Variants in ZDHHC2 observed in about 807,000 individuals in gnomAD.
ZDHHC2 encodes the protein palmitoyltransferase ZDHHC2.
ZDHHC2 carries 51 observed loss-of-function variants against 55.6 expected under a neutral mutation model. That is an observed-to-expected ratio of 0.92 (90% confidence interval 0.73 to 1.16). The LOEUF is 1.16. ZDHHC2 is among the 50% of genes most tolerant of loss of function. The pLI is 0.00. For missense variants in ZDHHC2, 491 were observed against 442.4 expected (o/e 1.11, Z -0.99); for synonymous variants, 199 against 152.9 (o/e 1.30, Z -2.22).
At chr8:17,214,589 G>A (rs145737555) in intron 10 of ZDHHC2, among the ~76,000 whole-genome samples, 3,286 of 152,050 alleles carry the variant, frequency 0.022, 44 homozygotes, top group African/African-American at 0.028. Flanking sequence ...TGAGAAACTC[G>A]CGTAACTTTC....
At chr8:17,200,877 C>T (rs1478015674) in intron 6 of ZDHHC2, among the ~76,000 whole-genome samples, 3 of 152,110 alleles carry the variant, frequency 2.0e-5, no homozygotes, top group Non-Finnish European at 4.4e-5. Flanking sequence ...TACCTTTTAA[C>T]CTGTGTCGTT....
At position 17,197,679 on chromosome 8, in the gene ZDHHC2, T is replaced by C. The variant is rs755836782; in HGVS notation, c.443+28T>C. ...AAGAGAACCTTTAACTTCTAAAATA[T>C]CTACATGCTGGTGGTCTTTTTCTTC... On this transcript the variant is annotated intron_variant, in intron 5 of 12. Transcript: ENST00000262096. 15 of 1,588,944 alleles carry C rather than the reference T, an allele frequency of 9.4e-6. No homozygotes were observed. In the Admixed American group the frequency reaches 2.4e-4, roughly 25 times the overall value.
chr8:17,202,309 C>CGCCT (rs10676758), intron 6 of ZDHHC2, among the ~76,000 whole-genome samples: 3 of 151,546 alleles, frequency 2.0e-5, no homozygotes, highest in African/African-American at 7.3e-5. Context: ...CAACCTCCAC[C>CGCCT]TCCTGGGTAT....
intron 1 of ZDHHC2, among the ~76,000 whole-genome samples, chr8:17,181,378 G>C (rs1159847926): frequency 1.3e-5 from 2 of 152,154 alleles, no homozygotes; most frequent in African/African-American, 4.8e-5. Context: ...TGTTTAAATT[G>C]AAAATAAAAG....
intron 1 of ZDHHC2, among the ~76,000 whole-genome samples, chr8:17,159,866 A>G (rs963365085): frequency 6.6e-6 from 1 of 151,326 alleles, no homozygotes; most frequent in African/African-American, 2.4e-5. Flanking sequence ...TCCTTCTCTT[A>G]CCACTCCTTT....
intron 6 of ZDHHC2, among the ~76,000 whole-genome samples, chr8:17,200,058 G>A (rs1044565127): frequency 1.1e-4 from 16 of 152,138 alleles, no homozygotes; most frequent in East Asian, 3.9e-4. Context: ...CCTGGCCAAC[G>A]TCTTCTTAAT....
Position 17,190,951 on chromosome 8 carries a change from C to CTTTTTTTTTT in ZDHHC2, c.253-4534_253-4525dup, listed in dbSNP as rs10601402. On this transcript the variant is annotated intron_variant, in intron 3 of 12. Transcript: ENST00000262096. ...TGTCAAATACTAGGTCTTATTCATT[C>CTTTTTTTTTT]TTTTTTTTTTTTTTTTTTTTTTTTT... Among the ~76,000 whole-genome samples the CTTTTTTTTTT allele has an allele frequency of 4.7e-4, 25 of 52,780 alleles. 1 individual carries two copies. The highest frequency in any genetic ancestry group is 8.4e-4 in the Admixed American group (3 of 3,586). The allele number at this position is 52,780 out of a possible 152,430, so 34.6% of individuals were successfully genotyped here.
chr8:17,191,797 C>T (rs1228122958), intron 3 of ZDHHC2, among the ~76,000 whole-genome samples: 1 of 152,152 alleles, frequency 6.6e-6, no homozygotes, highest in African/African-American at 2.4e-5. Flanking sequence ...CAGATTATCT[C>T]TTTAACATAC....
intron 1 of ZDHHC2, among the ~76,000 whole-genome samples, chr8:17,171,795 G>T (rs575909164): frequency 4.6e-5 from 7 of 151,040 alleles, no homozygotes; most frequent in African/African-American, 1.7e-4. Context: ...GCCTTCTTCT[G>T]CTTGTATGAG....
chr8:17,206,150 G>A (rs992077439), intron 7 of ZDHHC2, among the ~76,000 whole-genome samples: 1 of 152,084 alleles, frequency 6.6e-6, no homozygotes, highest in Non-Finnish European at 1.5e-5. Context: ...TGTGCTTTTT[G>A]TTGGTGATTT....
chr8:17,192,622 A>G (rs141001787), intron 3 of ZDHHC2, among the ~76,000 whole-genome samples: 1,779 of 152,100 alleles, frequency 0.012, 39 homozygotes, highest in African/African-American at 0.041. Context: ...AAGCCTTTTA[A>G]CTTGATGTGA....
intron 1 of ZDHHC2, among the ~76,000 whole-genome samples, chr8:17,182,997 G>A (rs1380753669): frequency 6.6e-6 from 1 of 152,150 alleles, no homozygotes; most frequent in Non-Finnish European, 1.5e-5. Context: ...CTTGACCTCA[G>A]GTGATCCACC....
chr8:17,168,448 A>T (rs1804707935), intron 1 of ZDHHC2, among the ~76,000 whole-genome samples: 1 of 152,236 alleles, frequency 6.6e-6, no homozygotes, highest in East Asian at 1.9e-4. Context: ...GTTTGAGAAT[A>T]AGCCCTAGAG....
chr8:17,194,166 A>G (rs76265879), intron 3 of ZDHHC2, among the ~76,000 whole-genome samples: 1 of 152,078 alleles, frequency 6.6e-6, no homozygotes. Context: ...CCAGTCTATC[A>G]TTGATGGGCA....
At position 17,220,616 on chromosome 8, in the gene ZDHHC2, T is replaced by C. The variant is rs1211929622; in HGVS notation, c.*395T>C. ...TCTGAAAATTGAGACTATTAAGATA[T>C]TAGGATTTCAGAGATTTCAAGTCAC... On this transcript the variant is annotated 3_prime_UTR_variant, in exon 13 of 13. Transcript: ENST00000262096. 1.3e-5 allele frequency: 2 copies of C among 152,168 alleles called. No individual in the cohort carries two copies. The highest frequency in any genetic ancestry group is 2.9e-5 in the Non-Finnish European group (2 of 68,030). The allele number at this position is 152,168 out of a possible 1,614,324, so 9.4% of individuals were successfully genotyped here.
At chr8:17,160,573 G>A (rs748003824) in intron 1 of ZDHHC2, among the ~76,000 whole-genome samples, 2 of 152,342 alleles carry the variant, frequency 1.3e-5, no homozygotes, top group Non-Finnish European at 2.9e-5. Context: ...TAATGCAGAT[G>A]TCCAGATGTC....
At chr8:17,201,840 C>T (rs1303765756) in intron 6 of ZDHHC2, among the ~76,000 whole-genome samples, 1 of 151,938 alleles carries the variant, frequency 6.6e-6, no homozygotes, top group African/African-American at 2.4e-5. Context: ...TATTTTGAAC[C>T]TTCATATCTG....
At chr8:17,166,169 G>T (rs780584905) in intron 1 of ZDHHC2, among the ~76,000 whole-genome samples, 15 of 152,270 alleles carry the variant, frequency 9.9e-5, no homozygotes, top group Non-Finnish European at 2.1e-4. Flanking sequence ...CTTTCTGGCC[G>T]CTGTGGACCT....
chr8:17,169,361 T>C (rs1804747398), intron 1 of ZDHHC2, among the ~76,000 whole-genome samples: 1 of 151,966 alleles, frequency 6.6e-6, no homozygotes, highest in Non-Finnish European at 1.5e-5. Flanking sequence ...GTGTTCCTTA[T>C]GAGAGTGCTG....
Sources: allele counts gnomAD v4.1 joint callset (sites outside exome capture counted in the v4.1 genomes callset), GRCh38; gene constraint gnomAD v4.1.1; transcripts MANE v1.5; gene names NCBI Gene and HGNC (gene_info 2026-07-23, HGNC 2026-07-21).